The following ANKRD1 variants were observed in gnomAD, a reference collection of about 807,000 sequenced individuals.
The protein encoded by ANKRD1 is ankyrin repeat domain 1.
A neutral mutation model predicts 40.1 loss-of-function variants in ANKRD1; 32 were observed. The ratio of observed to expected loss-of-function variants is 0.80; its 90% CI spans 0.60 to 1.07. The LOEUF (loss-of-function observed/expected upper bound fraction) is 1.07. ANKRD1 is among the 50% of genes least tolerant of loss of function. The probability of loss-of-function intolerance (pLI) is 0.00; values close to 1 mark genes in which losing one functional copy is unlikely to be tolerated. For missense variants in ANKRD1, 359 were observed against 386.0 expected (o/e 0.93, Z 0.59); for synonymous variants, 149 against 141.2 (o/e 1.06, Z -0.39).
At chr10:90,918,681 A>T (rs1296001507) in intron 4 of ANKRD1, among the ~76,000 whole-genome samples, 184 bp downstream of exon 4, 1 of 152,096 alleles carries the variant, frequency 6.6e-6, no homozygotes, top group African/African-American at 2.4e-5. Context: ...CGTATCACTG[A>T]TCTAATATCT....
rs1847418597 is a variant in ANKRD1 at position 90,920,085 on chromosome 10, G to T, written c.207+84C>A. 6 of 1,573,992 alleles carry T rather than the reference G, an allele frequency of 3.8e-6. No individual in the cohort carries two copies. The South Asian group carries it at 6.7e-5, about 17-fold the overall frequency. On this transcript the variant is annotated intron_variant, in intron 2 of 8. Transcript: ENST00000371697. ...AAGAGACATCTTAATGATTGGGTTT[G>T]TTTCTCTCTTCTCCTTCCCTGACAT...
At chr10:90,918,575 T>C (rs1847397074) in intron 4 of ANKRD1, among the ~76,000 whole-genome samples, 1 of 152,018 alleles carries the variant, frequency 6.6e-6, no homozygotes, top group Non-Finnish European at 1.5e-5. Context: ...GGTGACTTTT[T>C]GGCCCACATT....
At chr10:90,920,023 C>G in intron 2 of ANKRD1, 146 bp downstream of exon 2, 1 of 1,019,770 alleles carries the variant, frequency 9.8e-7, no homozygotes, top group Admixed American at 1.8e-5. Context: ...AAAACCTGTT[C>G]CATACAAGTT....
rs765783499 is a variant in ANKRD1 at position 90,919,216 on chromosome 10, A to T, written c.260T>A (p.Leu87His). ...TTTCTTCAGTTGAATGATTATTTCA[A>T]GGTCTTCTAAATTTTCAAGCTTTGA... The part of the protein sequence containing the change: ...QRSKLENLED[L>H]EIIIQLKKRK... The change falls in exon 3 of 9, where the codon CTT (leucine) becomes CAT (histidine). Residue 87 changes from leucine to histidine, a missense_variant. By Grantham distance (99) the Leu-to-His change is moderately conservative. Transcript: ENST00000371697. The T allele has an allele frequency of 1.2e-6, 2 of 1,610,528 alleles. No individual in the cohort carries two copies. The highest frequency in any genetic ancestry group is 4.5e-5 in the East Asian group (2 of 44,714).
At chr10:90,916,061 C>A (rs1179931750) in intron 6 of ANKRD1, 110 bp downstream of exon 6, 2 of 377,260 alleles carry the variant, frequency 5.3e-6, no homozygotes, top group Non-Finnish European at 9.8e-6. Context: ...GAGGGAAGGG[C>A]GGGTGGGGGA....
At chr10:90,919,367 G>A (rs191519542) in intron 2 of ANKRD1, 99 bp from the exon 3 acceptor site, 853 of 1,055,078 alleles carry the variant, frequency 8.1e-4, no homozygotes, top group Non-Finnish European at 5.2e-4. Context: ...ATAAACATGT[G>A]AACAGTTTGA....
Position 90,912,291 on chromosome 10 carries a change from TAAAAAAAAAAA to T in ANKRD1, c.*564_*574del, listed in dbSNP as rs71025330. 119 of 70,644 alleles carry T rather than the reference TAAAAAAAAAAA, an allele frequency of 1.7e-3. 2 individuals are homozygous for T. Among genetic ancestry groups the T allele is most frequent in the Admixed American group, 2.1e-3 (11 of 5,318 alleles). 4.4% of individuals were successfully genotyped at this position (70,644 alleles called of 1,614,324 possible). ...TCACTTGGGTACTCTGTGTACTCGG[TAAAAAAAAAAA>T]AAAAAAAAAAAAAAAAAAATCCAGC... is the stretch of plus-strand genomic sequence containing the variant. On this transcript the variant is annotated 3_prime_UTR_variant, in exon 9 of 9. Coordinates refer to ENST00000371697, the MANE Select transcript of ANKRD1 (RefSeq NM_014391.3).
At chr10:90,917,015 G>T (rs1847380439) in intron 5 of ANKRD1, among the ~76,000 whole-genome samples, 1 of 151,968 alleles carries the variant, frequency 6.6e-6, no homozygotes, top group Non-Finnish European at 1.5e-5. Flanking sequence ...CCACACTCAT[G>T]ATTTTTAGTT....
Position 90,919,166 on chromosome 10 carries a change from C to A in ANKRD1, c.310G>T (p.Val104Phe). 2 of 1,612,694 alleles carry A rather than the reference C, an allele frequency of 1.2e-6. No homozygotes were observed. The highest frequency in any genetic ancestry group is 1.1e-5 in the South Asian group (1 of 90,966). ...KKRKKYRKTK[V>F]PVVKEPEPEI... ...GGTTCTGGTTCCTTTACAACTGGAA[C>A]TTTAGTTTTCCTGTATTTTTTCCTT... The change falls in exon 3 of 9, where the codon GTT (valine) becomes TTT (phenylalanine). Residue 104 changes from valine (V) to phenylalanine (F), a missense_variant. Transcript: ENST00000371697.
At chr10:90,916,396 C>A in intron 5 of ANKRD1, 127 bp from the exon 6 acceptor site, 1 of 732,844 alleles carries the variant, frequency 1.4e-6, no homozygotes, top group South Asian at 1.5e-5. Flanking sequence ...TAACTGGAGT[C>A]GAAGGTTCTT....
Position 90,912,767 on chromosome 10 carries a change from G to T in ANKRD1, c.*99C>A. On this transcript the variant is annotated 3_prime_UTR_variant, in exon 9 of 9. Transcript: ENST00000371697. ...ATTAGGTACATCTTCACAACACGTT[G>T]ATAAATAGAAACTAGATTTTATGGC... 1 of 1,136,126 alleles carries T rather than the reference G, an allele frequency of 8.8e-7. No homozygotes were observed. The highest frequency in any genetic ancestry group is 1.3e-6 in the Non-Finnish European group (1 of 746,706). 70.4% of individuals were successfully genotyped at this position (1,136,126 alleles called of 1,614,324 possible). A position where few individuals can be genotyped will look rare whatever the true frequency, so the allele number is the denominator to read the frequency against.
chr10:90,913,068 G>T, intron 8 of ANKRD1, 92 bp from the exon 9 acceptor site: 1 of 1,167,268 alleles, frequency 8.6e-7, no homozygotes, highest in Non-Finnish European at 1.3e-6. Context: ...TAAGGATTAG[G>T]TATATGTTAT....
At position 90,919,124 on chromosome 10, in the gene ANKRD1, C is replaced by G; in HGVS notation, c.345+7G>C. The G allele has an allele frequency of 1.2e-6, 2 of 1,612,638 alleles. No individual in the cohort carries two copies. The highest frequency in any genetic ancestry group is 1.7e-6 in the Non-Finnish European group (2 of 1,179,688). ...GTATTACTGGAAACCAAAAAAAAAGCCCTTACAATGATTTCAGGTTCTGGT... is the reference window on the plus strand; with the variant it reads ...GTATTACTGGAAACCAAAAAAAAAGGCCTTACAATGATTTCAGGTTCTGGT... On this transcript the variant is annotated splice_region_variant and intron_variant, in intron 3 of 8. Coordinates refer to ENST00000371697, the MANE Select transcript of ANKRD1 (RefSeq NM_014391.3).
Position 90,912,859 on chromosome 10 carries a change from G to T in ANKRD1, c.*7C>A. 1 of 1,612,374 alleles carries T rather than the reference G, an allele frequency of 6.2e-7. No homozygotes were observed. On this transcript the variant is annotated 3_prime_UTR_variant, in exon 9 of 9. Transcript: ENST00000371697. Reference sequence around the variant, plus strand: ...AACATTTACTGATTAAGAGTCTGTCGTTTGCCTCAGAATGTAGCTATGCGA... The same window carrying T: ...AACATTTACTGATTAAGAGTCTGTCTTTTGCCTCAGAATGTAGCTATGCGA...
At chr10:90,917,578 C>CTCCCAACTTTCCTTTATT (rs1328501109) in intron 5 of ANKRD1, among the ~76,000 whole-genome samples, 154 bp downstream of exon 5, 6 of 152,228 alleles carry the variant, frequency 3.9e-5, no homozygotes, top group Non-Finnish European at 8.8e-5. Flanking sequence ...CTACTCTCAT[C>CTCCCAACTTTCCTTTATT]TCCCAACTTT....
Position 90,919,124 on chromosome 10 carries a change from C to A in ANKRD1, c.345+7G>T. 3 of 1,612,638 alleles carry A rather than the reference C, an allele frequency of 1.9e-6. No individual in the cohort carries two copies. The highest frequency in any genetic ancestry group is 2.5e-6 in the Non-Finnish European group (3 of 1,179,688). On this transcript the variant is annotated splice_region_variant and intron_variant, in intron 3 of 8. Transcript: ENST00000371697. ...GTATTACTGGAAACCAAAAAAAAAG[C>A]CCTTACAATGATTTCAGGTTCTGGT...
At position 90,912,260 on chromosome 10, in the gene ANKRD1, T is replaced by G. The variant is rs1243516135; in HGVS notation, c.*606A>C. The G allele has an allele frequency of 7.2e-6, 1 of 139,228 alleles. No individual in the cohort carries two copies. The highest frequency in any genetic ancestry group is 2.1e-4 in the East Asian group (1 of 4,842). 8.6% of individuals were successfully genotyped at this position (139,228 alleles called of 1,614,324 possible). On this transcript the variant is annotated 3_prime_UTR_variant, in exon 9 of 9. Transcript: ENST00000371697. ...CTGATTTGCACTTACACTCATGACG[T>G]TCTCTTCACTTGGGTACTCTGTGTA...
intron 8 of ANKRD1, among the ~76,000 whole-genome samples, chr10:90,913,901 G>C (rs913097919): frequency 1.3e-5 from 2 of 152,130 alleles, no homozygotes; most frequent in Admixed American, 6.5e-5. Context: ...GTTCCACAGA[G>C]CAACATAGAC....
intron 6 of ANKRD1, 94 bp from the exon 7 acceptor site, chr10:90,915,974 A>G (rs1194496609): frequency 8.1e-7 from 1 of 1,228,508 alleles, no homozygotes; most frequent in African/African-American, 1.6e-5. Context: ...AGTGGTCACT[A>G]GGGTGCCTGC....
Sources: allele counts gnomAD v4.1 joint callset (sites outside exome capture counted in the v4.1 genomes callset), GRCh38; gene constraint gnomAD v4.1.1; transcripts MANE v1.5; gene names NCBI Gene and HGNC (gene_info 2026-07-23, HGNC 2026-07-21).